Variants in ZC3HC1 observed in about 807,000 individuals in gnomAD.
The protein encoded by ZC3HC1 is zinc finger C3HC-type protein 1.
Under a neutral mutation model 61.9 loss-of-function variants are expected in ZC3HC1, and 38 were observed. The ratio of observed to expected loss-of-function variants is 0.61; its 90% CI spans 0.47 to 0.81. The LOEUF (loss-of-function observed/expected upper bound fraction) is 0.81. Ranked by LOEUF, ZC3HC1 falls within the 30% of genes least tolerant of loss-of-function variation. ZC3HC1 has a pLI of 0.00. For synonymous variants in ZC3HC1, 213 were observed against 229.9 expected (o/e 0.93, Z 0.67); for missense variants, 554 against 622.7 (o/e 0.89, Z 1.17).
At chr7:130,050,399 A>G in intron 1 of ZC3HC1, 1 of 1,532,428 alleles carries the variant, frequency 6.5e-7, no homozygotes, top group South Asian at 1.2e-5. Flanking sequence ...TTTAATAAAA[A>G]TAGGATTACA....
At chr7:130,031,196 G>A (rs888884988) in intron 4 of ZC3HC1, among the ~76,000 whole-genome samples, 3 of 151,708 alleles carry the variant, frequency 2.0e-5, no homozygotes, top group African/African-American at 7.3e-5. Context: ...AGGCATGGTG[G>A]CGCATGCCTG....
intron 2 of ZC3HC1, among the ~76,000 whole-genome samples, chr7:130,046,711 C>T (rs1483761078): frequency 6.6e-6 from 1 of 152,086 alleles, no homozygotes; most frequent in Non-Finnish European, 1.5e-5. Context: ...AAACTTATGA[C>T]ATAACGTTTA....
chr7:130,024,991 C>T (rs961897860), intron 6 of ZC3HC1, among the ~76,000 whole-genome samples: 3 of 149,962 alleles, frequency 2.0e-5, no homozygotes, highest in African/African-American at 7.4e-5. Context: ...CTGCAACCTC[C>T]GCCTCCCAGG....
Position 130,051,293 on chromosome 7 carries a change from G to A in ZC3HC1, c.74C>T (p.Pro25Leu), listed in dbSNP as rs769302080. ...CCGGATTTTCTGGGGGGTCCCTTCTGGGGAGCGAACTACTGCACCCCAATT... is the reference window on the plus strand; with the variant it reads ...CCGGATTTTCTGGGGGGTCCCTTCTAGGGAGCGAACTACTGCACCCCAATT... ...EKNWGAVVRSPEGTPQKIRQL... is the reference protein window; with the variant it reads ...EKNWGAVVRSLEGTPQKIRQL... The change falls in exon 1 of 10, where the codon CCA (proline) becomes CTA (leucine). Residue 25 changes from proline (P) to leucine (L), a missense_variant. Physicochemically the swap from Pro to Leu is moderately conservative, Grantham distance 98. Coordinates refer to ENST00000358303, the MANE Select transcript of ZC3HC1 (RefSeq NM_016478.5). 3.2e-5 allele frequency: 52 copies of A among 1,612,966 alleles called. No individual in the cohort carries two copies. Among genetic ancestry groups the A allele is most frequent in the Non-Finnish European group, 4.2e-5 (49 of 1,179,552 alleles).
intron 4 of ZC3HC1, among the ~76,000 whole-genome samples, chr7:130,030,053 T>C (rs1794105404): frequency 6.6e-6 from 1 of 152,198 alleles, no homozygotes; most frequent in Non-Finnish European, 1.5e-5. Context: ...TAATTATCTC[T>C]GGCATTACCC....
intron 5 of ZC3HC1, chr7:130,026,969 C>CAAAAAAAAAAAAAAA (rs1170912030): frequency 8.4e-5 from 4 of 47,726 alleles, no homozygotes; most frequent in South Asian, 6.9e-4. Context: ...GACTCCGTAT[C>CAAAAAAAAAAAAAAA]AAAAAAAAAA....
intron 4 of ZC3HC1, among the ~76,000 whole-genome samples, chr7:130,034,251 C>T (rs564312038): frequency 4.0e-5 from 6 of 149,992 alleles, no homozygotes; most frequent in South Asian, 2.1e-4. Context: ...TTTGGGAGGC[C>T]GAGGCGGGCG....
intron 4 of ZC3HC1, among the ~76,000 whole-genome samples, chr7:130,038,513 C>T (rs1794511764): frequency 6.6e-6 from 1 of 152,118 alleles, no homozygotes; most frequent in South Asian, 2.1e-4. Flanking sequence ...TTAGTTATAG[C>T]TTCTCTCTAG....
Position 130,039,566 on chromosome 7 carries a change from G to A in ZC3HC1, c.410-19C>T, listed in dbSNP as rs1190228718. Reference sequence around the variant, plus strand: ...TGCTTATCTGAAATCCACATAAACAGCAACACCTTAAAAAACACTATATAG... The same window carrying A: ...TGCTTATCTGAAATCCACATAAACAACAACACCTTAAAAAACACTATATAG... On this transcript the variant is annotated intron_variant, in intron 3 of 9. Coordinates refer to ENST00000358303, the MANE Select transcript of ZC3HC1 (RefSeq NM_016478.5). 2.5e-6 allele frequency: 4 copies of A among 1,595,738 alleles called. No homozygotes were observed. Among genetic ancestry groups the A allele is most frequent in the Non-Finnish European group, 3.4e-6 (4 of 1,171,496 alleles).
At position 130,029,245 on chromosome 7, in the gene ZC3HC1, G is replaced by A. The variant is rs1009634436; in HGVS notation, c.494-216C>T. ...AAAAATTAGCCAGGCATGGTGGCGC[G>A]TGCCTGTAATCCCAGCTACTCGGGA... On this transcript the variant is annotated intron_variant, in intron 4 of 9. Coordinates refer to ENST00000358303, the MANE Select transcript of ZC3HC1 (RefSeq NM_016478.5). Among the ~76,000 whole-genome samples, 8 of 151,980 alleles carry A rather than the reference G, an allele frequency of 5.3e-5. No homozygotes were observed. In the East Asian group the frequency reaches 1.4e-3, roughly 26 times the overall value.
intron 3 of ZC3HC1, among the ~76,000 whole-genome samples, chr7:130,039,802 TTGAGTGTAG>T (rs1206747347): frequency 6.6e-6 from 1 of 152,056 alleles, no homozygotes; most frequent in East Asian, 1.9e-4. Context: ...TCGCCCAGGC[TTGAGTGTAG>T]TGGTGCAATC....
intron 2 of ZC3HC1, 51 bp from the exon 3 acceptor site, chr7:130,041,152 G>T: frequency 1.7e-6 from 2 of 1,186,110 alleles, no homozygotes; most frequent in Non-Finnish European, 1.2e-6. Context: ...ATATGTGTGT[G>T]TATGTGTGTG....
chr7:130,028,170 A>G (rs1375781601), intron 5 of ZC3HC1, among the ~76,000 whole-genome samples: 1 of 82,964 alleles, frequency 1.2e-5, no homozygotes, highest in Non-Finnish European at 2.7e-5. Flanking sequence ...TCTCAAAAAA[A>G]AAAAAAAAAA....
Position 130,023,359 on chromosome 7 carries a change from T to C in ZC3HC1, c.1233+152A>G, listed in dbSNP as rs1793731581. 1.4e-6 allele frequency: 1 copy of C among 726,630 alleles called. No homozygotes were observed. The highest frequency in any genetic ancestry group is 4.0e-4 in the Middle Eastern group (1 of 2,476). 45.0% of individuals were successfully genotyped at this position (726,630 alleles called of 1,614,324 possible). On this transcript the variant is annotated intron_variant, in intron 8 of 9. Coordinates refer to ENST00000358303, the MANE Select transcript of ZC3HC1 (RefSeq NM_016478.5). This position sits in a 1 kb window ranked among gnomAD's most constrained non-coding sequence, Gnocchi z 4.2. ...GGAGCAAAAAACATGACTGACATTT[T>C]TTCCCTTTGGTCATCCAACTTTAAA...
At chr7:130,021,992 T>A (rs551152282) in intron 9 of ZC3HC1, among the ~76,000 whole-genome samples, 1 of 151,808 alleles carries the variant, frequency 6.6e-6, no homozygotes, top group Non-Finnish European at 1.5e-5. Context: ...CTGGCCAACA[T>A]GGTGAAACCC....
At chr7:130,025,377 T>C (rs1418751747) in intron 6 of ZC3HC1, among the ~76,000 whole-genome samples, 4 of 151,492 alleles carry the variant, frequency 2.6e-5, no homozygotes, top group Admixed American at 6.6e-5. Flanking sequence ...CTATGCCAAA[T>C]TGAGCAGCTG....
At chr7:130,043,821 A>G (rs913968798) in intron 2 of ZC3HC1, 3 of 455,182 alleles carry the variant, frequency 6.6e-6, no homozygotes, top group African/African-American at 6.0e-5. Context: ...TTCATGCAAG[A>G]AAGGATGGCA....
intron 4 of ZC3HC1, among the ~76,000 whole-genome samples, chr7:130,038,478 C>T (rs1376068350): frequency 3.3e-5 from 5 of 152,064 alleles, no homozygotes; most frequent in Admixed American, 2.6e-4. Flanking sequence ...GTGGGAAAAG[C>T]GGAGGGTTTG....
chr7:130,046,344 T>C (rs529389606), intron 2 of ZC3HC1, among the ~76,000 whole-genome samples: 1 of 151,874 alleles, frequency 6.6e-6, no homozygotes, highest in South Asian at 2.1e-4. Flanking sequence ...TGGTGGCTCA[T>C]GCCTGTAATC....
Sources: gnomAD v4.1 joint callset for allele counts (sites outside exome capture counted in the v4.1 genomes callset) on GRCh38, gnomAD v4.1.1 for gene constraint, Gnocchi (gnomAD v3.1) non-coding constraint, MANE v1.5 for transcripts, NCBI Gene and HGNC (gene_info 2026-07-23, HGNC 2026-07-21) for gene names.